The following VWA3A variants were observed in gnomAD, a reference collection of about 807,000 sequenced individuals.
VWA3A encodes von Willebrand factor A domain-containing protein 3A.
In VWA3A, 134 loss-of-function variants were observed where a neutral mutation model predicts 160.4. The ratio of observed to expected loss-of-function variants is 0.84; its 90% confidence interval spans 0.73 to 0.96. The LOEUF (loss-of-function observed/expected upper bound fraction) is 0.96. VWA3A is among the 40% of genes least tolerant of loss of function. VWA3A has a pLI of 0.00. For synonymous variants in VWA3A, 476 were observed against 543.4 expected (o/e 0.88, Z 1.72); for missense variants, 1,310 against 1,447.9 (o/e 0.90, Z 1.55).
chr16:22,092,748 T>C, intron 1 of VWA3A, 97 bp downstream of exon 1: 1 of 1,491,352 alleles, frequency 6.7e-7, no homozygotes, highest in Non-Finnish European at 9.1e-7. Flanking sequence ...TCGAGGGAGC[T>C]TGGGGTGTGA....
intron 17 of VWA3A, among the ~76,000 whole-genome samples, chr16:22,129,337 C>T (rs1276624455): frequency 9.7e-5 from 14 of 144,992 alleles, no homozygotes; most frequent in Admixed American, 8.5e-4. Context: ...TGCAGTGAGC[C>T]GAGATTGCGC....
rs577502387 is a variant in VWA3A, at chr16:22,151,343, C to T, written c.3281+497C>T. Among the ~76,000 whole-genome samples the T allele has an allele frequency of 1.2e-4, 18 of 152,266 alleles. No individual in the cohort carries two copies. The Middle Eastern group carries it at 0.01, about 86-fold the overall frequency. ...CATTGTTTTTCTAGACGGCCCAAGC[C>T]GGTGTCACACCACAGGGTGAAAACC... On this transcript the variant is annotated intron_variant, in intron 30 of 33. Coordinates refer to ENST00000389398, the MANE Select transcript of VWA3A (RefSeq NM_173615.5).
intron 22 of VWA3A, among the ~76,000 whole-genome samples, chr16:22,139,722 A>G (rs1169112566): frequency 6.6e-6 from 1 of 152,072 alleles, no homozygotes; most frequent in African/African-American, 2.4e-5. Context: ...AACAAAAAAA[A>G]ACTGAGGTGC....
At chr16:22,108,938 T>C (rs1023209890) in intron 6 of VWA3A, among the ~76,000 whole-genome samples, 1 of 152,160 alleles carries the variant, frequency 6.6e-6, no homozygotes, top group African/African-American at 2.4e-5. Flanking sequence ...AATTTGGATG[T>C]GGTGGCACAT....
chr16:22,138,448 A>G lies in VWA3A; in HGVS notation c.2228A>G (p.Gln743Arg). The G allele has an allele frequency of 6.2e-7, 1 of 1,613,592 alleles. No homozygotes were observed. The highest frequency in any genetic ancestry group is 8.5e-7 in the Non-Finnish European group (1 of 1,179,774). ...ALPKEKPKTLQLRSQPKKLCP... is the reference protein window; with the variant it reads ...ALPKEKPKTLRLRSQPKKLCP... ...CCGAAAGAAAAACCAAAGACACTTC[A>G]GCTAAGAAGTCAGCCCAAGAAGCTC... Residue 743 changes from glutamine to arginine, a missense_variant, in exon 22 of 34, where the codon CAG (glutamine) becomes CGG (arginine). Gln to Arg is a conservative substitution (Grantham distance 43). Transcript: ENST00000389398.
chr16:22,137,198 C>T (rs973541439), intron 21 of VWA3A, among the ~76,000 whole-genome samples: 3 of 152,146 alleles, frequency 2.0e-5, no homozygotes, highest in South Asian at 4.1e-4. Flanking sequence ...GGGCAATGAC[C>T]GCATAATTCA....
chr16:22,108,309 G>C (rs919556807), intron 6 of VWA3A, among the ~76,000 whole-genome samples: 2 of 152,212 alleles, frequency 1.3e-5, no homozygotes, highest in South Asian at 2.1e-4. Context: ...AGGAATGGAT[G>C]ATCCAGGAGA....
intron 21 of VWA3A, 35 bp downstream of exon 21, chr16:22,134,473 C>T (rs755704142): frequency 1.9e-5 from 29 of 1,525,834 alleles, no homozygotes; most frequent in Middle Eastern, 1.7e-4. Flanking sequence ...ACTGCACTGC[C>T]TTTTGTATTC....
At chr16:22,117,029 T>C (rs1242188410) in intron 10 of VWA3A, 82 bp from the exon 11 acceptor site, 21 of 1,491,134 alleles carry the variant, frequency 1.4e-5, no homozygotes, top group Non-Finnish European at 1.9e-5. Context: ...CTTTGGATAA[T>C]TGGGAGGTTC....
chr16:22,118,806 T>TC, intron 11 of VWA3A, 96 bp from the exon 12 acceptor site: 1 of 1,529,164 alleles, frequency 6.5e-7, no homozygotes, highest in Non-Finnish European at 8.9e-7. Context: ...TCTGACCCTC[T>TC]GCCTGGGCAT....
At chr16:22,124,531 T>C (rs1349412711) in intron 16 of VWA3A, among the ~76,000 whole-genome samples, 2 of 53,240 alleles carry the variant, frequency 3.8e-5, no homozygotes, top group Admixed American at 3.2e-4. Context: ...ACTATACATC[T>C]ATTATTATTA....
chr16:22,140,171 T>C lies in VWA3A; in HGVS notation c.2310T>C (p.Pro770=), dbSNP rs772134447. ...TTTTCTAGAGCATTAAAGATGACCC[T>C]GACAGAGAGAAGAGCCCCCCGCTGA... ...LGARMSIKDD[P]DREKSPPLKS... The change falls in exon 23 of 34, where the codon CCT becomes CCC. Residue 770 remains proline (P), a synonymous_variant. Transcript: ENST00000389398. The C allele has an allele frequency of 6.2e-7, 1 of 1,613,556 alleles. No individual in the cohort carries two copies. Among genetic ancestry groups the C allele is most frequent in the South Asian group, 1.1e-5 (1 of 91,020 alleles).
intron 8 of VWA3A, among the ~76,000 whole-genome samples, chr16:22,112,659 G>T (rs2045569297): frequency 6.6e-6 from 1 of 152,200 alleles, no homozygotes; most frequent in African/African-American, 2.4e-5. Context: ...GGAGGTCAAG[G>T]CTGCAGTGAG....
chr16:22,116,449 AGAAG>A (rs1265839738), intron 9 of VWA3A: 4 of 464,888 alleles, frequency 8.6e-6, no homozygotes, highest in African/African-American at 8.1e-5. Context: ...GAGAGAGAGG[AGAAG>A]GAAGGAAAGA....
At position 22,100,458 on chromosome 16, in the gene VWA3A, C is replaced by T; in HGVS notation, c.393C>T (p.Thr131=). The T allele has an allele frequency of 1.3e-6, 2 of 1,551,576 alleles. No individual in the cohort carries two copies. The highest frequency in any genetic ancestry group is 8.7e-7 in the Non-Finnish European group (1 of 1,146,990). The change falls in exon 5 of 34, where the codon ACC becomes ACT. Residue 131 remains threonine, a synonymous_variant. Coordinates refer to ENST00000389398, the MANE Select transcript of VWA3A (RefSeq NM_173615.5). ...TCGTGCAGAAAATATGTTTCTCCAC[C>T]CAGATCATCCGCCATTTTGAGTCAA... ...TNVVQKICFS[T]QIIRHFESKL... is the part of the protein sequence containing the mutation.
At position 22,111,462 on chromosome 16, in the gene VWA3A, G is replaced by A. The variant is rs549817028; in HGVS notation, c.689+468G>A. Among the ~76,000 whole-genome samples, 5 of 152,114 alleles carry A rather than the reference G, an allele frequency of 3.3e-5. No homozygotes were observed. The East Asian group carries it at 9.7e-4, about 29-fold the overall frequency. On this transcript the variant is annotated intron_variant, in intron 8 of 33. Transcript: ENST00000389398. ...AGCCTCCTGAGTAGTTGGGGCTACA[G>A]GCATGTGCCACCACACCCTGCTAAG...
Position 22,152,613 on chromosome 16 carries a change from C to A in VWA3A, c.3384C>A (p.Thr1128=). The part of the protein sequence containing the change: ...DTLSKIHSLL[T]KGFINEKDPT... ...TCTCCAAAATTCACAGCCTGCTGAC[C>A]AAAGGCTTCATCAATGAAAAGGTAG... Residue 1128 remains threonine (T), a synonymous_variant, in exon 31 of 34, where the codon ACC becomes ACA. Coordinates refer to ENST00000389398, the MANE Select transcript of VWA3A (RefSeq NM_173615.5). 1 of 1,607,584 alleles carries A rather than the reference C, an allele frequency of 6.2e-7. No individual in the cohort carries two copies. The highest frequency in any genetic ancestry group is 1.7e-5 in the Admixed American group (1 of 58,962).
chr16:22,107,306 A>G (rs2045495786), intron 6 of VWA3A, among the ~76,000 whole-genome samples: 1 of 152,188 alleles, frequency 6.6e-6, no homozygotes, highest in Non-Finnish European at 1.5e-5. Context: ...GTTTATCAGC[A>G]GCCAGGGATG....
intron 30 of VWA3A, 26 bp downstream of exon 30, chr16:22,150,872 T>C: frequency 6.3e-7 from 1 of 1,596,864 alleles, no homozygotes; most frequent in Non-Finnish European, 8.5e-7. Context: ...TCTGACTGAG[T>C]TTTATTCTTT....
Sources: allele counts gnomAD v4.1 joint callset (sites outside exome capture counted in the v4.1 genomes callset), GRCh38; gene constraint gnomAD v4.1.1; transcripts MANE v1.5; gene names NCBI Gene and HGNC (gene_info 2026-07-23, HGNC 2026-07-21).